The following MLH3 variants were observed in gnomAD, a reference collection of about 807,000 sequenced individuals.
The protein encoded by MLH3 is DNA mismatch repair protein Mlh3.
Under a neutral mutation model 122.2 loss-of-function variants are expected in MLH3, and 82 were observed. That is an observed-to-expected ratio of 0.67 (90% CI 0.56 to 0.81). The LOEUF (loss-of-function observed/expected upper bound fraction) is 0.81, where lower values mean the gene tolerates loss of function less well. Among genes scored for constraint, MLH3 ranks in the 30% least tolerant of loss-of-function variants. The pLI is 0.00. For missense variants in MLH3, 1,539 were observed against 1,714.5 expected (o/e 0.90, Z 1.81); for synonymous variants, 524 against 599.5 (o/e 0.87, Z 1.84).
Position 75,031,474 on chromosome 14 carries a change from A to C in MLH3, c.3827+594T>G, listed in dbSNP as rs175071. Among the ~76,000 whole-genome samples the C allele has an allele frequency of 6.6e-5, 10 of 152,154 alleles. No individual in the cohort carries two copies. The South Asian group carries it at 2.1e-3, about 32-fold the overall frequency. ...AGTGTTCTAAGCCAACTGCTGGAAA[A>C]AATTATCAGGGAAACTCTATCCTAT... On this transcript the variant is annotated intron_variant, in intron 8 of 12. Transcript: ENST00000355774.
At chr14:75,030,509 A>G (rs755476789) in intron 9 of MLH3, 34 bp downstream of exon 9, 28 of 1,606,214 alleles carry the variant, frequency 1.7e-5, no homozygotes, top group Non-Finnish European at 2.4e-5. Context: ...ACCATCACTC[A>G]GCAATTTCCT....
intron 9 of MLH3, among the ~76,000 whole-genome samples, chr14:75,028,843 G>A (rs1214540921): frequency 6.6e-6 from 1 of 151,748 alleles, no homozygotes; most frequent in Non-Finnish European, 1.5e-5. Context: ...TTACAATTAA[G>A]TAAGCTAGAG....
chr14:75,038,473 A>G (rs745610764), intron 5 of MLH3, 61 bp from the exon 6 acceptor site: 51 of 1,046,078 alleles, frequency 4.9e-5, no homozygotes, highest in East Asian at 2.4e-5. Context: ...GCTTATTTGC[A>G]TAGAAAGATA....
intron 9 of MLH3, among the ~76,000 whole-genome samples, chr14:75,025,015 G>A (rs776173148): frequency 2.6e-5 from 4 of 152,202 alleles, no homozygotes; most frequent in African/African-American, 2.4e-5. Flanking sequence ...ATCCAAAGGC[G>A]ATTCTGGAAA....
intron 11 of MLH3, among the ~76,000 whole-genome samples, chr14:75,022,415 C>G (rs986109850): frequency 1.3e-5 from 2 of 152,174 alleles, no homozygotes; most frequent in African/African-American, 4.8e-5. Flanking sequence ...GTTCTCTTAC[C>G]TGCCTAGTTT....
chr14:75,039,879 A>T lies in MLH3; in HGVS notation c.3570+32T>A, dbSNP rs201462476. On this transcript the variant is annotated intron_variant, in intron 5 of 12. Transcript: ENST00000355774. Reference sequence around the variant, plus strand: ...TATATATATATATATATATATATATATATTTATGAGATTTTGAAGTTAATC... The same window carrying T: ...TATATATATATATATATATATATATTTATTTATGAGATTTTGAAGTTAATC... 54 of 499,630 alleles carry T rather than the reference A, an allele frequency of 1.1e-4. No homozygotes were observed. The East Asian group carries it at 2.7e-3, about 25-fold the overall frequency. The allele number at this position is 499,630 out of a possible 1,614,324, so 30.9% of individuals were successfully genotyped here.
In MLH3 at chr14:75,014,177, AT is replaced by A; in HGVS notation, c.*2904del. On this transcript the variant is annotated 3_prime_UTR_variant, in exon 13 of 13. Transcript: ENST00000355774. ...GCGTGGCTTCCTCAGCCCCCTCCACATCTCAAGAACGTGGCCTTGGGCCCCT... is the reference window on the plus strand; with the variant it reads ...GCGTGGCTTCCTCAGCCCCCTCCACACTCAAGAACGTGGCCTTGGGCCCCT... The A allele has an allele frequency of 5.8e-6, 1 of 172,466 alleles. No homozygotes were observed. Among genetic ancestry groups the A allele is most frequent in the Non-Finnish European group, 1.3e-5 (1 of 79,780 alleles). 10.7% of individuals were successfully genotyped at this position (172,466 alleles called of 1,614,324 possible). A position where few individuals can be genotyped will look rare whatever the true frequency, so the allele number is the denominator to read the frequency against.
intron 11 of MLH3, among the ~76,000 whole-genome samples, chr14:75,019,614 G>A (rs772566510): frequency 1.3e-5 from 2 of 152,002 alleles, no homozygotes; most frequent in Non-Finnish European, 2.9e-5. Context: ...CAGTATTTTT[G>A]CCTACTCTTT....
In MLH3 at chr14:75,047,375, A is replaced by T. The variant is rs1315476096; in HGVS notation, c.2281T>A (p.Tyr761Asn). Residue 761 changes from tyrosine (Y) to asparagine (N), a missense_variant, in exon 2 of 13, where the codon TAT becomes AAT. By Grantham distance (143) the Tyr-to-Asn change is moderately radical. Transcript: ENST00000355774. ...LGSLEKFKRQ[Y>N]GKVENPLDTE... Reference sequence around the variant, plus strand: ...TCCAGAGGATTTTCAACCTTCCCATATTGCCTCTTAAACTTCTCTAAAGAT... The same window carrying T: ...TCCAGAGGATTTTCAACCTTCCCATTTTGCCTCTTAAACTTCTCTAAAGAT... 2.5e-6 allele frequency: 4 copies of T among 1,614,012 alleles called. No homozygotes were observed. In the South Asian group the frequency reaches 4.4e-5, roughly 18 times the overall value.
At position 75,049,581 on chromosome 14, in the gene MLH3, A is replaced by T. The variant is rs1310211715; in HGVS notation, c.75T>A (p.Cys25Ter). 6.2e-7 allele frequency: 1 copy of T among 1,614,252 alleles called. No homozygotes were observed. The highest frequency in any genetic ancestry group is 2.2e-5 in the East Asian group (1 of 44,894). ...SGLAISSLGQ[C>*]VEELALNSID... ...TACTGTTGAGGGCAAGTTCCTCAAC[A>T]CATTGGCCCAAGGAGCTTATGGCCA... Residue 25 changes from cysteine (C) to a stop codon, truncating the protein, a stop_gained, in exon 2 of 13, where the codon TGT (cysteine) becomes TGA (stop). Transcript: ENST00000355774. LOFTEE classifies it high-confidence loss of function.
At position 75,032,133 on chromosome 14, in the gene MLH3, T is replaced by C. The variant is rs1891090399; in HGVS notation, c.3762A>G (p.Leu1254=). 3.7e-6 allele frequency: 6 copies of C among 1,613,944 alleles called. No individual in the cohort carries two copies. Among genetic ancestry groups the C allele is most frequent in the Middle Eastern group, 3.3e-4 (2 of 6,084 alleles). Residue 1254 remains leucine (L), a synonymous_variant, in exon 8 of 13, where the codon TTA becomes TTG. Transcript: ENST00000355774. Reference sequence around the variant, plus strand: ...GCGGAGGAATTAGAGTAGAAGACAGTAATTTTTTCCGACCAGAGCCTTGTG... The same window carrying C: ...GCGGAGGAATTAGAGTAGAAGACAGCAATTTTTTCCGACCAGAGCCTTGTG... ...QQAQGSGRKK[L]LSSTLIPPLE...
At position 75,049,658 on chromosome 14, in the gene MLH3, T is replaced by G. The variant is rs146166860; in HGVS notation, c.-3A>C. 1 of 1,613,446 alleles carries G rather than the reference T, an allele frequency of 6.2e-7. No homozygotes were observed. ...TCAACTGACAAGCACTTGATCATGG[T>G]AGGTAGAAAGATGGTGAGAATGCCA... On this transcript the variant is annotated 5_prime_UTR_variant, in exon 2 of 13. Coordinates refer to ENST00000355774, the MANE Select transcript of MLH3 (RefSeq NM_001040108.2).
At chr14:75,046,073 T>C (rs1892188148) in intron 2 of MLH3, among the ~76,000 whole-genome samples, 1 of 149,650 alleles carries the variant, frequency 6.7e-6, no homozygotes, top group African/African-American at 2.5e-5. Flanking sequence ...CAAGCTACAC[T>C]GGAGGCTGAG....
chr14:75,031,962 C>A (rs1891079381), intron 8 of MLH3, 106 bp downstream of exon 8: 1 of 818,098 alleles, frequency 1.2e-6, no homozygotes, highest in African/African-American at 1.7e-5. Flanking sequence ...GTCTTGTAAC[C>A]TCTCTTGGTC....
chr14:75,035,103 A>C (rs1566588848), intron 6 of MLH3, among the ~76,000 whole-genome samples: 1 of 151,350 alleles, frequency 6.6e-6, no homozygotes, highest in Non-Finnish European at 1.5e-5. Flanking sequence ...AAAAAAAGAG[A>C]AATTTCAACA....
chr14:75,043,481 G>C (rs28757003), intron 2 of MLH3, among the ~76,000 whole-genome samples: 1 of 152,192 alleles, frequency 6.6e-6, no homozygotes, highest in African/African-American at 2.4e-5. Context: ...CAAATGAAAG[G>C]TTCTCAATTC....
Position 75,048,791 on chromosome 14 carries a change from G to C in MLH3, c.865C>G (p.Gln289Glu). The C allele has an allele frequency of 6.2e-7, 1 of 1,614,102 alleles. No individual in the cohort carries two copies. Among genetic ancestry groups the C allele is most frequent in the South Asian group, 1.1e-5 (1 of 91,058 alleles). Residue 289 changes from glutamine (Q) to glutamate (E), a missense_variant, in exon 2 of 13, where the codon CAA becomes GAA. By Grantham distance (29) the Gln-to-Glu change is conservative (BLOSUM62 2). Coordinates refer to ENST00000355774, the MANE Select transcript of MLH3 (RefSeq NM_001040108.2). ...CGGTGCCGAAGACTTGAATTCATTT[G>C]CCTACTGGTGGGACCATTCTTTGGC... ...CKPKNGPTSR[Q>E]MNSSLRHRST...
At chr14:75,038,789 G>T (rs1001221987) in intron 5 of MLH3, among the ~76,000 whole-genome samples, 1 of 151,986 alleles carries the variant, frequency 6.6e-6, no homozygotes, top group Admixed American at 6.6e-5. Context: ...TTATATGAAA[G>T]CAAGGAAAAC....
chr14:75,032,828 T>C (rs920454880), intron 7 of MLH3, among the ~76,000 whole-genome samples: 2 of 147,954 alleles, frequency 1.4e-5, no homozygotes, highest in Admixed American at 6.9e-5. Flanking sequence ...AGGAAAAGGG[T>C]AGCAAAAAAA....
Sources: allele counts gnomAD v4.1 joint callset (sites outside exome capture counted in the v4.1 genomes callset), GRCh38; gene constraint gnomAD v4.1.1; transcripts MANE v1.5; gene names NCBI Gene and HGNC (gene_info 2026-07-23, HGNC 2026-07-21).